The following EDRF1 variants were observed in gnomAD, a reference collection of about 807,000 sequenced individuals.
The protein encoded by EDRF1 is erythroid differentiation regulatory factor 1, also known as erythroid differentiation-related factor 1.
A neutral mutation model predicts 148.7 loss-of-function variants in EDRF1; 69 were observed. The ratio of observed to expected loss-of-function variants is 0.46; its 90% CI spans 0.38 to 0.57. EDRF1 has a LOEUF of 0.57. EDRF1 is among the 20% of genes least tolerant of loss of function. The pLI, the probability that EDRF1 is intolerant of heterozygous loss-of-function variation, is 0.00. For synonymous variants in EDRF1, 515 were observed against 532.8 expected (o/e 0.97, Z 0.46); for missense variants, 1,118 against 1,478.7 (o/e 0.76, Z 4.00).
chr10:125,742,855 CATT>C (rs1445800392), intron 17 of EDRF1, 200 bp from the exon 18 acceptor site: 39 of 879,960 alleles, frequency 4.4e-5, no homozygotes, highest in Non-Finnish European at 5.2e-5. Flanking sequence ...TTTTATCCAA[CATT>C]AATATCCCAA....
In EDRF1 at chr10:125,725,210, T is replaced by C. The variant is rs1589819810; in HGVS notation, c.511-108T>C. Reference sequence around the variant, plus strand: ...GATATGTTTTTAATGAGTATGTGTTTATGAAACTATTCAAAAAATAATAGG... The same window carrying C: ...GATATGTTTTTAATGAGTATGTGTTCATGAAACTATTCAAAAAATAATAGG... On this transcript the variant is annotated intron_variant, in intron 4 of 24. Coordinates refer to ENST00000356792, the MANE Select transcript of EDRF1 (RefSeq NM_001202438.2). The C allele has an allele frequency of 6.8e-6, 9 of 1,322,266 alleles. No homozygotes were observed. The East Asian group carries it at 1.4e-4, about 21-fold the overall frequency. The allele number at this position is 1,322,266 out of a possible 1,614,324, so 81.9% of individuals were successfully genotyped here. A position where few individuals can be genotyped will look rare whatever the true frequency, so the allele number is the denominator to read the frequency against.
intron 24 of EDRF1, among the ~76,000 whole-genome samples, chr10:125,755,713 C>T (rs112250948): frequency 3.3e-5 from 5 of 152,160 alleles, no homozygotes; most frequent in South Asian, 2.1e-4. Flanking sequence ...CTTGAATAAA[C>T]GAGGGTCCAT....
intron 23 of EDRF1, 116 bp downstream of exon 23, chr10:125,753,030 T>A: frequency 1.4e-6 from 1 of 740,666 alleles, no homozygotes; most frequent in Non-Finnish European, 2.4e-6. Flanking sequence ...TGTACATATG[T>A]ATGCTATGCA....
chr10:125,744,971 T>G (rs1290296060), intron 18 of EDRF1: 2 of 152,698 alleles, frequency 1.3e-5, no homozygotes, highest in African/African-American at 2.4e-5. Context: ...TCGTTACTCT[T>G]GTGCTTTGGG....
chr10:125,764,046 C>G lies in EDRF1; in HGVS notation c.*574C>G, dbSNP rs1317186359. On this transcript the variant is annotated 3_prime_UTR_variant, in exon 25 of 25. Coordinates refer to ENST00000356792, the MANE Select transcript of EDRF1 (RefSeq NM_001202438.2). Reference sequence around the variant, plus strand: ...CTTTTGACTTTATATGACAGTTGATCAAGAACAGGTACTACCCCTTTTTTT... The same window carrying G: ...CTTTTGACTTTATATGACAGTTGATGAAGAACAGGTACTACCCCTTTTTTT... The G allele has an allele frequency of 6.5e-6, 1 of 153,946 alleles. No individual in the cohort carries two copies. Among genetic ancestry groups the G allele is most frequent in the Non-Finnish European group, 1.5e-5 (1 of 68,962 alleles). 9.5% of individuals were successfully genotyped at this position (153,946 alleles called of 1,614,324 possible). A position where few individuals can be genotyped will look rare whatever the true frequency, so the allele number is the denominator to read the frequency against.
rs114523235 is a variant in EDRF1 at position 125,745,374 on chromosome 10, T to C, written c.2591-333T>C. On this transcript the variant is annotated intron_variant, in intron 18 of 24. Coordinates refer to ENST00000356792, the MANE Select transcript of EDRF1 (RefSeq NM_001202438.2). ...CTTCTCTCTGTGCATAGCCCTGGAG[T>C]CCCTCCCTCTTTAAAAGGACACCAG... The C allele has an allele frequency of 8.7e-3, 3,036 of 348,862 alleles. 77 individuals are homozygous for C. The highest frequency in any genetic ancestry group is 0.059 in the African/African-American group (2,816 of 48,090). 21.6% of individuals were successfully genotyped at this position (348,862 alleles called of 1,614,324 possible). A position where few individuals can be genotyped will look rare whatever the true frequency, so the allele number is the denominator to read the frequency against.
chr10:125,755,543 T>C (rs1335725025), intron 24 of EDRF1, among the ~76,000 whole-genome samples: 1 of 152,358 alleles, frequency 6.6e-6, no homozygotes, highest in East Asian at 1.9e-4. Context: ...TCTTCTGTTT[T>C]CTGAAAGAGA....
Position 125,763,570 on chromosome 10 carries a change from C to A in EDRF1, c.*98C>A. ...GTTTCATTAAATAATAGGGAAATAT[C>A]CATTTAAAACAGGTATATCAGTGGA... On this transcript the variant is annotated 3_prime_UTR_variant, in exon 25 of 25. Coordinates refer to ENST00000356792, the MANE Select transcript of EDRF1 (RefSeq NM_001202438.2). This position sits in a 1 kb window ranked among gnomAD's most constrained non-coding sequence, Gnocchi z 4.3. 7.6e-7 allele frequency: 1 copy of A among 1,315,628 alleles called. No individual in the cohort carries two copies. The highest frequency in any genetic ancestry group is 1.1e-6 in the Non-Finnish European group (1 of 946,610). The allele number at this position is 1,315,628 out of a possible 1,614,324, so 81.5% of individuals were successfully genotyped here.
chr10:125,721,846 T>C (rs1848022249), intron 2 of EDRF1, among the ~76,000 whole-genome samples: 1 of 152,070 alleles, frequency 6.6e-6, no homozygotes, highest in South Asian at 2.1e-4. Flanking sequence ...ACCCAGCATG[T>C]TGGGTGACCT....
At chr10:125,721,082 G>C (rs1223544272) in intron 1 of EDRF1, 122 bp from the exon 2 acceptor site, 1 of 901,542 alleles carries the variant, frequency 1.1e-6, no homozygotes, top group African/African-American at 1.7e-5. Context: ...AGTGCTGTTA[G>C]TAACATGTGG....
At chr10:125,728,862 T>C in intron 6 of EDRF1, 141 bp from the exon 7 acceptor site, 1 of 647,916 alleles carries the variant, frequency 1.5e-6, no homozygotes, top group Non-Finnish European at 2.5e-6. Context: ...ATGAGGCGTG[T>C]TATTATTTGT....
At chr10:125,754,274 T>C (rs1201239607) in intron 24 of EDRF1, among the ~76,000 whole-genome samples, 2 of 151,984 alleles carry the variant, frequency 1.3e-5, no homozygotes, top group African/African-American at 4.8e-5. Flanking sequence ...TTGTCTTCTA[T>C]GTGGATAGTA....
intron 18 of EDRF1, among the ~76,000 whole-genome samples, chr10:125,743,782 T>C (rs1564744889): frequency 6.6e-6 from 1 of 152,118 alleles, no homozygotes; most frequent in Non-Finnish European, 1.5e-5. Context: ...AGGAGGGCAC[T>C]CCAGACCAAG....
In EDRF1 at chr10:125,743,098, T is replaced by G. The variant is rs760076894; in HGVS notation, c.2412T>G (p.Ser804Arg). Residue 804 changes from serine (S) to arginine (R), a missense_variant, in exon 18 of 25, where the codon AGT becomes AGG. Ser to Arg is a moderately radical substitution (Grantham distance 110). Transcript: ENST00000356792. ...WATDLSTDLE[S>R]QLSVSCKCYE... ...CTGATTTGTCTACAGACTTAGAAAG[T>G]CAACTCTCTGTTAGTTGTAAATGTT... 1.2e-6 allele frequency: 2 copies of G among 1,613,856 alleles called. No homozygotes were observed. Among genetic ancestry groups the G allele is most frequent in the African/African-American group, 2.7e-5 (2 of 74,936 alleles).
rs917588033 is a variant in EDRF1, at chr10:125,724,851, A to C, written c.511-467A>C. 2.6e-5 allele frequency among the ~76,000 whole-genome samples: 4 copies of C among 152,242 alleles called. No individual in the cohort carries two copies. In the East Asian group the frequency reaches 7.7e-4, roughly 29 times the overall value. ...ATATTACTACAGTGCTTTGATAAAG[A>C]AAATTAAATTATGGTGAGGTAAATG... On this transcript the variant is annotated intron_variant, in intron 4 of 24. Coordinates refer to ENST00000356792, the MANE Select transcript of EDRF1 (RefSeq NM_001202438.2).
intron 2 of EDRF1, among the ~76,000 whole-genome samples, chr10:125,722,002 C>G (rs1848031819): frequency 1.3e-5 from 2 of 152,168 alleles, no homozygotes; most frequent in Non-Finnish European, 2.9e-5. Context: ...CTCAGCAACT[C>G]AATCTAAAAT....
intron 15 of EDRF1, 57 bp from the exon 16 acceptor site, chr10:125,740,406 C>A: frequency 6.4e-7 from 1 of 1,559,628 alleles, no homozygotes; most frequent in Non-Finnish European, 8.8e-7. Flanking sequence ...ATTTTTTGTG[C>A]ATGAGACTTA....
At chr10:125,744,880 T>C (rs1849258423) in intron 18 of EDRF1, 1 of 152,288 alleles carries the variant, frequency 6.6e-6, no homozygotes, top group South Asian at 2.1e-4. Context: ...CTTTTTCCTA[T>C]ACATACATAC....
Position 125,722,207 on chromosome 10 carries a change from G to A in EDRF1, c.317+795G>A, listed in dbSNP as rs148736151. Among the ~76,000 whole-genome samples, 170 of 152,322 alleles carry A rather than the reference G, an allele frequency of 1.1e-3. 2 individuals carry two copies. Among genetic ancestry groups the A allele is most frequent in the South Asian group, 0.01 (49 of 4,826 alleles). ...TTTTAAAAGAATGGCTTAATCAGTTGTGATTTGTCAACATAATTAAATGTT... is the reference window on the plus strand; with the variant it reads ...TTTTAAAAGAATGGCTTAATCAGTTATGATTTGTCAACATAATTAAATGTT... On this transcript the variant is annotated intron_variant, in intron 2 of 24. Transcript: ENST00000356792.
Sources: gnomAD v4.1 joint callset for allele counts (sites outside exome capture counted in the v4.1 genomes callset) on GRCh38, gnomAD v4.1.1 for gene constraint, Gnocchi (gnomAD v3.1) non-coding constraint, MANE v1.5 for transcripts, NCBI Gene and HGNC (gene_info 2026-07-23, HGNC 2026-07-21) for gene names.